NXPE2: variants seen among roughly 807,000 people sequenced by gnomAD.
NXPE2 encodes neurexophilin and PC-esterase domain family member 2.
In NXPE2, 34 loss-of-function variants were observed where a neutral mutation model predicts 34.4. That is an observed-to-expected ratio of 0.99 (90% CI 0.75 to 1.31). The LOEUF (loss-of-function observed/expected upper bound fraction) is 1.31, where lower values mean the gene tolerates loss of function less well. Ranked by LOEUF, NXPE2 falls within the 40% of genes most tolerant of loss-of-function variation. NXPE2 has a pLI of 0.00. For missense variants in NXPE2, 649 were observed against 672.5 expected (o/e 0.97, Z 0.39); for synonymous variants, 235 against 231.3 (o/e 1.02, Z -0.15).
chr11:114,720,669 T>G, the NXPE2 span, among the ~76,000 whole-genome samples: 4 of 152,340 alleles, frequency 2.6e-5, no homozygotes, highest in Non-Finnish European at 5.9e-5. Context: ...ATAATCTTTA[T>G]GTTGATGATG....
the NXPE2 span, among the ~76,000 whole-genome samples, chr11:114,512,387 C>G: frequency 6.6e-6 from 1 of 152,110 alleles, no homozygotes; most frequent in Non-Finnish European, 1.5e-5. Context: ...GTACATGTCA[C>G]ATGAAGCTTC....
At chr11:114,479,265 T>C in the NXPE2 span, among the ~76,000 whole-genome samples, 1 of 152,116 alleles carries the variant, frequency 6.6e-6, no homozygotes, top group Non-Finnish European at 1.5e-5. Context: ...AAGCCAGAGA[T>C]TGGTATAATT....
At chr11:114,498,589 T>C in the NXPE2 span, among the ~76,000 whole-genome samples, 135 of 152,270 alleles carry the variant, frequency 8.9e-4, no homozygotes, top group African/African-American at 3.1e-3. Flanking sequence ...TATTTTATCA[T>C]TAACCATAAT....
At chr11:114,658,961 A>G in the NXPE2 span, among the ~76,000 whole-genome samples, 1 of 152,292 alleles carries the variant, frequency 6.6e-6, no homozygotes, top group South Asian at 2.1e-4. Flanking sequence ...TTTCTGGGAC[A>G]TTGACACACA....
the NXPE2 span, among the ~76,000 whole-genome samples, chr11:114,755,435 A>G: frequency 7.2e-5 from 11 of 152,216 alleles, no homozygotes; most frequent in South Asian, 1.9e-3. Flanking sequence ...TATTTTTAGC[A>G]TAAAGTCTGC....
the NXPE2 span, among the ~76,000 whole-genome samples, chr11:114,495,134 C>A: frequency 3.9e-5 from 6 of 152,280 alleles, no homozygotes; most frequent in East Asian, 7.8e-4. Flanking sequence ...TCTGTGGCCA[C>A]CACCAGTGGG....
the NXPE2 span, among the ~76,000 whole-genome samples, chr11:114,728,942 T>G: frequency 6.6e-6 from 1 of 152,142 alleles, no homozygotes; most frequent in Non-Finnish European, 1.5e-5. Context: ...ATTTTTATTT[T>G]AGATTCAGGG....
chr11:114,767,664 A>G, the NXPE2 span, among the ~76,000 whole-genome samples: 1 of 152,184 alleles, frequency 6.6e-6, no homozygotes, highest in Non-Finnish European at 1.5e-5. Flanking sequence ...AATGAATGGG[A>G]GAGGATTATG....
the NXPE2 span, among the ~76,000 whole-genome samples, chr11:114,646,762 C>T: frequency 2.6e-5 from 4 of 152,064 alleles, no homozygotes; most frequent in African/African-American, 9.7e-5. Context: ...TTTGTCTTTT[C>T]TCATTAAAGA....
At chr11:114,515,660 T>C in the NXPE2 span, among the ~76,000 whole-genome samples, 1 of 152,324 alleles carries the variant, frequency 6.6e-6, no homozygotes, top group Non-Finnish European at 1.5e-5. Context: ...TTACTGAATC[T>C]GTGACTGAAT....
At chr11:114,762,695 G>A in the NXPE2 span, among the ~76,000 whole-genome samples, 4 of 152,142 alleles carry the variant, frequency 2.6e-5, no homozygotes, top group African/African-American at 9.7e-5. Flanking sequence ...AGATTCCCTG[G>A]ACACCTTTGA....
the NXPE2 span, among the ~76,000 whole-genome samples, chr11:114,544,397 C>A: frequency 6.6e-6 from 1 of 152,098 alleles, no homozygotes; most frequent in Non-Finnish European, 1.5e-5. Flanking sequence ...ATCAAGGGAA[C>A]ATAATAGAAA....
At chr11:114,723,507 A>C in the NXPE2 span, among the ~76,000 whole-genome samples, 16 of 152,166 alleles carry the variant, frequency 1.1e-4, no homozygotes, top group African/African-American at 3.9e-4. Context: ...TTTGCTGAGG[A>C]ATTCAGAAGG....
At chr11:114,651,402 G>C in the NXPE2 span, among the ~76,000 whole-genome samples, 1 of 152,294 alleles carries the variant, frequency 6.6e-6, no homozygotes, top group East Asian at 1.9e-4. Context: ...GCTGGCTTCA[G>C]GAGTGAAGCT....
chr11:114,472,781 G>C, the NXPE2 span, among the ~76,000 whole-genome samples: 1 of 152,164 alleles, frequency 6.6e-6, no homozygotes, highest in Admixed American at 6.5e-5. Context: ...GCAGGCAACT[G>C]TTTCAAATGA....
chr11:114,493,058 C>G, the NXPE2 span, among the ~76,000 whole-genome samples: 1 of 151,672 alleles, frequency 6.6e-6, no homozygotes, highest in Non-Finnish European at 1.5e-5. Context: ...TATATAATGC[C>G]CTTCTTTGTC....
the NXPE2 span, among the ~76,000 whole-genome samples, chr11:114,647,937 T>G: frequency 6.6e-6 from 1 of 152,176 alleles, no homozygotes; most frequent in Non-Finnish European, 1.5e-5. Context: ...CCTGACCTCG[T>G]GATCCACCTG....
chr11:114,591,847 A>G, the NXPE2 span, among the ~76,000 whole-genome samples: 1 of 152,334 alleles, frequency 6.6e-6, no homozygotes, highest in African/African-American at 2.4e-5. Context: ...TGCAAGGATT[A>G]TCTGAGATAT....
the NXPE2 span, among the ~76,000 whole-genome samples, chr11:114,613,773 G>A: frequency 6.7e-6 from 1 of 149,762 alleles, no homozygotes; most frequent in Non-Finnish European, 1.5e-5. Flanking sequence ...AGTGTTGCCT[G>A]GTGGGTAACC....
Sources: gnomAD v4.1 joint callset for allele counts (sites outside exome capture counted in the v4.1 genomes callset) on GRCh38, gnomAD v4.1.1 for gene constraint, MANE v1.5 for transcripts, NCBI Gene and HGNC (gene_info 2026-07-23, HGNC 2026-07-21) for gene names.